Variants in ANKRD11 observed in about 807,000 individuals in gnomAD.
ANKRD11 encodes ankyrin repeat domain 11.
ANKRD11 carries 17 observed loss-of-function variants against 195.7 expected under a neutral mutation model. The ratio of observed to expected loss-of-function variants is 0.09; its 90% confidence interval spans 0.06 to 0.13. The LOEUF is 0.13. Among genes scored for constraint, ANKRD11 ranks in the 10% least tolerant of loss-of-function variants. ANKRD11 has a pLI of 1.00. For synonymous variants in ANKRD11, 1,953 were observed against 1,528.1 expected, an observed-to-expected ratio of 1.28 and a Z score of -6.49; for missense variants, 3,735 against 3,566.1, an observed-to-expected ratio of 1.05 and a Z score of -1.21.
chr16:89,377,687 C>G (rs900124071), intron 2 of ANKRD11, among the ~76,000 whole-genome samples: 1 of 152,130 alleles, frequency 6.6e-6, no homozygotes, highest in Non-Finnish European at 1.5e-5. Flanking sequence ...ACGACTCCCA[C>G]CCGCTTTTAA....
intron 1 of ANKRD11, among the ~76,000 whole-genome samples, chr16:89,481,428 A>G (rs1043665959): frequency 2.0e-5 from 3 of 152,124 alleles, no homozygotes; most frequent in Admixed American, 2.0e-4. Context: ...AAATTAGCGC[A>G]CGTCTGTAGT....
chr16:89,468,759 T>C (rs1042151667), intron 1 of ANKRD11, among the ~76,000 whole-genome samples: 1 of 152,132 alleles, frequency 6.6e-6, no homozygotes, highest in Non-Finnish European at 1.5e-5. Flanking sequence ...CTGCTTCTGC[T>C]GCCCTACTGT....
chr16:89,465,327 A>C (rs2056845336), intron 1 of ANKRD11, among the ~76,000 whole-genome samples: 1 of 152,246 alleles, frequency 6.6e-6, no homozygotes, highest in Non-Finnish European at 1.5e-5. Context: ...CCCACATATC[A>C]ACAGAAAATC....
intron 1 of ANKRD11, among the ~76,000 whole-genome samples, chr16:89,473,765 T>TC (rs1482443032): frequency 6.6e-6 from 1 of 152,050 alleles, no homozygotes; most frequent in African/African-American, 2.4e-5. Flanking sequence ...CCTGGCAATC[T>TC]CCCCACCCAG....
chr16:89,333,165 CT>C (rs2038156154), intron 2 of ANKRD11, among the ~76,000 whole-genome samples: 1 of 152,248 alleles, frequency 6.6e-6, no homozygotes, highest in Admixed American at 6.5e-5. Context: ...TGCATCACAA[CT>C]TTTGGGTCAT....
At chr16:89,367,322 T>A (rs1011270584) in intron 2 of ANKRD11, among the ~76,000 whole-genome samples, 4 of 152,160 alleles carry the variant, frequency 2.6e-5, no homozygotes, top group African/African-American at 9.7e-5. Flanking sequence ...CGGGAGCCCC[T>A]CCTCCTGAGC....
At chr16:89,438,139 G>A (rs372255984) in intron 1 of ANKRD11, among the ~76,000 whole-genome samples, 15 of 152,312 alleles carry the variant, frequency 9.8e-5, no homozygotes, top group African/African-American at 2.4e-4. Flanking sequence ...TCCACGAACC[G>A]CGTGCGCAGC....
At chr16:89,442,831 C>T (rs148275713) in intron 1 of ANKRD11, among the ~76,000 whole-genome samples, 213 of 152,272 alleles carry the variant, frequency 1.4e-3, no homozygotes, top group African/African-American at 4.7e-3. Flanking sequence ...GAGCCTCCGG[C>T]GCTCCTGCCC....
Position 89,358,361 on chromosome 16 carries a change from C to T in ANKRD11, c.-59-41283G>A, listed in dbSNP as rs578113088. Among the ~76,000 whole-genome samples the T allele has an allele frequency of 3.9e-5, 6 of 152,364 alleles. No homozygotes were observed. In the South Asian group the frequency reaches 8.3e-4, roughly 21 times the overall value. ...AACATCATCTACACAACAGCTTCCA[C>T]GTTTGCAAACATGCACAGCTTAGCG... On this transcript the variant is annotated intron_variant, in intron 2 of 12. Transcript: ENST00000301030.
At chr16:89,434,801 C>A (rs1236286696) in intron 1 of ANKRD11, among the ~76,000 whole-genome samples, 2 of 152,204 alleles carry the variant, frequency 1.3e-5, no homozygotes, top group African/African-American at 4.8e-5. Flanking sequence ...CAGGAAAGCA[C>A]TGGATGGAGA....
intron 2 of ANKRD11, among the ~76,000 whole-genome samples, chr16:89,323,599 G>T (rs1326578405): frequency 1.2e-5 from 1 of 80,972 alleles, no homozygotes; most frequent in South Asian, 3.8e-4. Context: ...CAGGGGGGCT[G>T]AGCCCGGGGC....
At chr16:89,441,034 G>A (rs563113362) in intron 1 of ANKRD11, among the ~76,000 whole-genome samples, 1 of 152,186 alleles carries the variant, frequency 6.6e-6, no homozygotes, top group East Asian at 1.9e-4. Flanking sequence ...TCAGGAGATC[G>A]AGACCATCCT....
chr16:89,399,989 GGGGCCGGTC>G (rs2041627748), intron 2 of ANKRD11, among the ~76,000 whole-genome samples: 1 of 151,422 alleles, frequency 6.6e-6, no homozygotes, highest in African/African-American at 2.4e-5. Flanking sequence ...TCCTGCGCTG[GGGGCCGGTC>G]ATCTGCTGCC....
chr16:89,489,324 A>C (rs901367445), intron 1 of ANKRD11: 5 of 152,224 alleles, frequency 3.3e-5, no homozygotes, highest in Non-Finnish European at 2.9e-5. Context: ...CATTTCAGGC[A>C]ACGTCTCACA....
chr16:89,416,764 T>C (rs1286765027), intron 2 of ANKRD11, among the ~76,000 whole-genome samples: 1 of 143,568 alleles, frequency 7.0e-6, no homozygotes, highest in South Asian at 2.2e-4. Context: ...ACTCTGTTTC[T>C]ACAAAAAAAA....
chr16:89,411,695 G>C (rs1470520675), intron 2 of ANKRD11, among the ~76,000 whole-genome samples: 2 of 152,032 alleles, frequency 1.3e-5, no homozygotes, highest in Non-Finnish European at 2.9e-5. Flanking sequence ...ATTACGGCCA[G>C]TTTACATTCG....
intron 1 of ANKRD11, among the ~76,000 whole-genome samples, chr16:89,455,585 C>G (rs2056398426): frequency 1.3e-5 from 2 of 152,000 alleles, no homozygotes; most frequent in Non-Finnish European, 2.9e-5. Flanking sequence ...ACTGTGGAGT[C>G]TAATAAAAAA....
At chr16:89,273,522 C>A (rs2033365364) in intron 11 of ANKRD11, among the ~76,000 whole-genome samples, 1 of 152,000 alleles carries the variant, frequency 6.6e-6, no homozygotes, top group Admixed American at 6.5e-5. Context: ...CATGGTGACA[C>A]CCCGTCTCCA....
At chr16:89,437,671 G>C (rs1567804912) in intron 1 of ANKRD11, among the ~76,000 whole-genome samples, 1 of 152,178 alleles carries the variant, frequency 6.6e-6, no homozygotes, top group African/African-American at 2.4e-5. Context: ...CCTCAGACCA[G>C]CTCTCTCCGG....
Sources: gnomAD v4.1 joint callset for allele counts (sites outside exome capture counted in the v4.1 genomes callset) on GRCh38, gnomAD v4.1.1 for gene constraint, MANE v1.5 for transcripts, NCBI Gene and HGNC (gene_info 2026-07-23, HGNC 2026-07-21) for gene names.